The following GNAZ variants were observed in gnomAD, a reference collection of about 807,000 sequenced individuals.
GNAZ encodes the protein G protein subunit alpha z.
In GNAZ, 3 loss-of-function variants were observed where a neutral mutation model predicts 25.4. The observed-to-expected ratio is 0.12, with a 90% CI of 0.05 to 0.30. GNAZ has a LOEUF of 0.30. Ranked by LOEUF, GNAZ falls within the 10% of genes least tolerant of loss-of-function variation. The probability of loss-of-function intolerance (pLI) is 1.00; values close to 1 mark genes in which losing one functional copy is unlikely to be tolerated. For synonymous variants in GNAZ, 211 were observed against 205.7 expected (o/e 1.03, Z -0.22); for missense variants, 241 against 501.8 (o/e 0.48, Z 4.97).
chr22:23,118,030 A>G (rs2069901941), intron 2 of GNAZ, among the ~76,000 whole-genome samples: 1 of 152,228 alleles, frequency 6.6e-6, no homozygotes, highest in South Asian at 2.1e-4. Flanking sequence ...CCCGCAGGCC[A>G]GCAAGCTGGA....
At chr22:23,072,269 G>A (rs1311915533) in intron 1 of GNAZ, among the ~76,000 whole-genome samples, 3 of 152,106 alleles carry the variant, frequency 2.0e-5, no homozygotes, top group Non-Finnish European at 2.9e-5. Context: ...AGCAGTAATC[G>A]TGGCAGCCTG....
intron 1 of GNAZ, among the ~76,000 whole-genome samples, chr22:23,078,033 A>G (rs1045612854): frequency 8.5e-5 from 13 of 152,184 alleles, no homozygotes; most frequent in African/African-American, 3.1e-4. Flanking sequence ...ATGTGGCCTC[A>G]GGCCAGCCCC....
intron 1 of GNAZ, among the ~76,000 whole-genome samples, chr22:23,093,620 T>A (rs1211983580): frequency 3.9e-5 from 6 of 152,208 alleles, no homozygotes; most frequent in Non-Finnish European, 8.8e-5. Context: ...GGACCAGGCT[T>A]GTGCTGGACG....
chr22:23,092,342 C>G (rs888786315), intron 1 of GNAZ, among the ~76,000 whole-genome samples: 1 of 152,160 alleles, frequency 6.6e-6, no homozygotes, highest in Non-Finnish European at 1.5e-5. Flanking sequence ...TCCTTACATC[C>G]GTGCACAGCC....
chr22:23,109,909 C>A (rs967017484), intron 2 of GNAZ, among the ~76,000 whole-genome samples: 1 of 152,206 alleles, frequency 6.6e-6, no homozygotes, highest in Non-Finnish European at 1.5e-5. Flanking sequence ...CCGTCAGCAC[C>A]ATGTGCCCTG....
chr22:23,072,724 G>A (rs1345513858), intron 1 of GNAZ, among the ~76,000 whole-genome samples: 1 of 152,216 alleles, frequency 6.6e-6, no homozygotes, highest in Non-Finnish European at 1.5e-5. Flanking sequence ...ACTGTTGCAG[G>A]GACCTGGCAT....
At chr22:23,092,863 GAGA>G (rs1349397951) in intron 1 of GNAZ, among the ~76,000 whole-genome samples, 1 of 152,240 alleles carries the variant, frequency 6.6e-6, no homozygotes, top group Non-Finnish European at 1.5e-5. Flanking sequence ...ACGTGGAATT[GAGA>G]AGAACAGTCA....
At chr22:23,090,989 G>A (rs760928233) in intron 1 of GNAZ, among the ~76,000 whole-genome samples, 1 of 152,158 alleles carries the variant, frequency 6.6e-6, no homozygotes, top group Admixed American at 6.5e-5. Flanking sequence ...TTCTGCCCCA[G>A]TCGCCTCAGC....
At chr22:23,100,011 C>T (rs1340027058) in intron 2 of GNAZ, among the ~76,000 whole-genome samples, 1 of 152,280 alleles carries the variant, frequency 6.6e-6, no homozygotes, top group African/African-American at 2.4e-5. Flanking sequence ...ATCAAATGTT[C>T]TCATGTGGAA....
intron 1 of GNAZ, among the ~76,000 whole-genome samples, chr22:23,093,394 G>A (rs1017475649): frequency 6.6e-6 from 1 of 152,170 alleles, no homozygotes; most frequent in Admixed American, 6.5e-5. Flanking sequence ...CACCCACTGT[G>A]CACTGGGCAC....
In GNAZ at chr22:23,095,611, G is replaced by C. The variant is rs9624024; in HGVS notation, c.-85G>C. The C allele has an allele frequency of 6.8e-7, 1 of 1,465,036 alleles. No homozygotes were observed. Among genetic ancestry groups the C allele is most frequent in the Non-Finnish European group, 9.1e-7 (1 of 1,093,142 alleles). 90.8% of individuals were successfully genotyped at this position (1,465,036 alleles called of 1,614,324 possible). A position where few individuals can be genotyped will look rare whatever the true frequency, so the allele number is the denominator to read the frequency against. On this transcript the variant is annotated 5_prime_UTR_variant, in exon 2 of 3. Coordinates refer to ENST00000615612, the MANE Select transcript of GNAZ (RefSeq NM_002073.4). ...GTGCCTCCAGGGCAGCTGGGCTCTT[G>C]TCTGCCTGGTCTCAGTGTCCCCTGT... is the stretch of plus-strand genomic sequence containing the variant.
At position 23,070,757 on chromosome 22, in the gene GNAZ, T is replaced by G. The variant is rs1026739002; in HGVS notation, c.-450+187T>G. The G allele has an allele frequency of 4.0e-5, 6 of 150,370 alleles. No homozygotes were observed. In the East Asian group the frequency reaches 1.2e-3, roughly 30 times the overall value. The allele number at this position is 150,370 out of a possible 1,614,324, so 9.3% of individuals were successfully genotyped here. A position where few individuals can be genotyped will look rare whatever the true frequency, so the allele number is the denominator to read the frequency against. On this transcript the variant is annotated intron_variant, in intron 1 of 2. Coordinates refer to ENST00000615612, the MANE Select transcript of GNAZ (RefSeq NM_002073.4). The stretch of plus-strand genomic sequence containing the variant: ...ACCAAGGGCGGGGACGCCTGCGAGG[T>G]GGGCAGGGGGCGGCCTCTGGTCGGG...
intron 1 of GNAZ, among the ~76,000 whole-genome samples, chr22:23,080,822 G>A (rs369197171): frequency 4.6e-5 from 7 of 152,206 alleles, no homozygotes; most frequent in Admixed American, 2.0e-4. Flanking sequence ...AAATCTTGGC[G>A]CGCAAAAACC....
chr22:23,081,761 G>A (rs1040544787), intron 1 of GNAZ, among the ~76,000 whole-genome samples: 2 of 144,058 alleles, frequency 1.4e-5, no homozygotes, highest in Non-Finnish European at 3.0e-5. Context: ...GATGGAAGTT[G>A]CAGTGAGCCG....
At chr22:23,094,271 A>T (rs565306504) in intron 1 of GNAZ, among the ~76,000 whole-genome samples, 2 of 152,272 alleles carry the variant, frequency 1.3e-5, no homozygotes, top group East Asian at 3.9e-4. Context: ...CCCTGGGCTC[A>T]CAGCCGGGGA....
At chr22:23,079,032 C>T (rs935489456) in intron 1 of GNAZ, among the ~76,000 whole-genome samples, 5 of 152,160 alleles carry the variant, frequency 3.3e-5, no homozygotes, top group South Asian at 2.1e-4. Context: ...TCAGTCACTA[C>T]GAGGGCCTGG....
At chr22:23,108,891 T>G (rs991015593) in intron 2 of GNAZ, among the ~76,000 whole-genome samples, 1 of 152,220 alleles carries the variant, frequency 6.6e-6, no homozygotes, top group South Asian at 2.1e-4. Context: ...CATGCTCTTC[T>G]CTGTCCTTCG....
intron 1 of GNAZ, among the ~76,000 whole-genome samples, chr22:23,078,335 A>G (rs745707291): frequency 4.6e-5 from 7 of 152,114 alleles, no homozygotes; most frequent in Non-Finnish European, 7.4e-5. Context: ...CCAGGCATTG[A>G]TTTCCTCTAT....
chr22:23,072,551 CTGTT>C (rs938154330), intron 1 of GNAZ, among the ~76,000 whole-genome samples: 2 of 152,206 alleles, frequency 1.3e-5, no homozygotes, highest in Non-Finnish European at 1.5e-5. Flanking sequence ...TCTGAAGGGG[CTGTT>C]TGTTACTCAT....
Sources: gnomAD v4.1 joint callset for allele counts (sites outside exome capture counted in the v4.1 genomes callset) on GRCh38, gnomAD v4.1.1 for gene constraint, MANE v1.5 for transcripts, NCBI Gene and HGNC (gene_info 2026-07-23, HGNC 2026-07-21) for gene names.